The following VSNL1 variants were observed in gnomAD, a reference collection of about 807,000 sequenced individuals.
VSNL1 encodes visinin-like protein 1.
VSNL1 carries 6 observed loss-of-function variants against 20.4 expected under a neutral mutation model. The ratio of observed to expected loss-of-function variants is 0.29; its 90% CI spans 0.16 to 0.58. The LOEUF (loss-of-function observed/expected upper bound fraction) is 0.58, where lower values mean the gene tolerates loss of function less well. Ranked by LOEUF, VSNL1 falls within the 20% of genes least tolerant of loss-of-function variation. The pLI is 0.90. For missense variants in VSNL1, 100 were observed against 234.5 expected (o/e 0.43, Z 3.75); for synonymous variants, 93 against 86.4 (o/e 1.08, Z -0.42).
intron 2 of VSNL1, among the ~76,000 whole-genome samples, chr2:17,598,092 A>G (rs763179999): frequency 6.6e-6 from 1 of 152,128 alleles, no homozygotes; most frequent in Admixed American, 6.5e-5. Flanking sequence ...AATAAGAAAT[A>G]TTTTTCTAGT....
intron 1 of VSNL1, among the ~76,000 whole-genome samples, chr2:17,558,734 A>G (rs1439009445): frequency 6.6e-6 from 1 of 152,158 alleles, no homozygotes; most frequent in Non-Finnish European, 1.5e-5. Context: ...TAAAATTCAA[A>G]GGTCTTGAGG....
At chr2:17,611,181 A>G (rs1401623469) in intron 2 of VSNL1, among the ~76,000 whole-genome samples, 1 of 152,228 alleles carries the variant, frequency 6.6e-6, no homozygotes, top group Non-Finnish European at 1.5e-5. Flanking sequence ...TTTAATTCAT[A>G]CAACAGCCTT....
At chr2:17,552,180 A>G (rs972057157) in intron 1 of VSNL1, among the ~76,000 whole-genome samples, 6 of 145,878 alleles carry the variant, frequency 4.1e-5, no homozygotes, top group Non-Finnish European at 9.0e-5. Flanking sequence ...AGCCTGGGCG[A>G]CAGAGCGAGA....
chr2:17,642,337 C>A (rs911577062), intron 2 of VSNL1, among the ~76,000 whole-genome samples: 10 of 45,890 alleles, frequency 2.2e-4, no homozygotes, highest in Non-Finnish European at 5.4e-4. Context: ...GAGACAGAGT[C>A]TAGCTCTGTT....
intron 1 of VSNL1, among the ~76,000 whole-genome samples, chr2:17,556,519 A>G (rs1305878862): frequency 2.6e-5 from 4 of 152,166 alleles, no homozygotes; most frequent in African/African-American, 9.7e-5. Flanking sequence ...TGAAACAGAA[A>G]CTGTTAAGTC....
intron 1 of VSNL1, among the ~76,000 whole-genome samples, chr2:17,542,177 C>T (rs1663298787): frequency 6.6e-6 from 1 of 151,592 alleles, no homozygotes; most frequent in Non-Finnish European, 1.5e-5. Context: ...ATTTTACCCC[C>T]ACTATCATTT....
intron 2 of VSNL1, among the ~76,000 whole-genome samples, chr2:17,613,671 G>A (rs1444616192): frequency 3.3e-5 from 5 of 152,196 alleles, no homozygotes; most frequent in Admixed American, 6.5e-5. Flanking sequence ...CTGGAGTGGG[G>A]AGTGGAGCCA....
intron 1 of VSNL1, among the ~76,000 whole-genome samples, chr2:17,568,058 G>C (rs1663995746): frequency 6.6e-6 from 1 of 152,060 alleles, no homozygotes; most frequent in East Asian, 1.9e-4. Context: ...GATGACGAAT[G>C]TATTTAGAAT....
At chr2:17,571,971 A>G (rs1167736940) in intron 1 of VSNL1, among the ~76,000 whole-genome samples, 2 of 152,220 alleles carry the variant, frequency 1.3e-5, no homozygotes, top group Non-Finnish European at 2.9e-5. Context: ...AAGGAACTCA[A>G]TATGTTAGAG....
At chr2:17,647,121 TG>T (rs758227267) in intron 2 of VSNL1, among the ~76,000 whole-genome samples, 1 of 152,226 alleles carries the variant, frequency 6.6e-6, no homozygotes, top group Non-Finnish European at 1.5e-5. Context: ...AATTTACAAT[TG>T]ATTTTTCTCT....
intron 2 of VSNL1, among the ~76,000 whole-genome samples, chr2:17,610,720 C>T (rs1665064036): frequency 2.0e-5 from 3 of 152,138 alleles, no homozygotes; most frequent in South Asian, 2.1e-4. Context: ...GAACATGATG[C>T]GGATTGCGAT....
rs551711850 is a variant in VSNL1, at chr2:17,615,354, A to G, written c.162+23118A>G. 2.1e-3 allele frequency among the ~76,000 whole-genome samples: 319 copies of G among 152,326 alleles called. 1 individual carries two copies. Among genetic ancestry groups the G allele is most frequent in the Middle Eastern group, 3.4e-3 (1 of 294 alleles). On this transcript the variant is annotated intron_variant, in intron 2 of 3. Coordinates refer to ENST00000295156, the MANE Select transcript of VSNL1 (RefSeq NM_003385.5). The stretch of plus-strand genomic sequence containing the variant: ...CATTTTTTAAAAATATTTTGCTGAC[A>G]CATGGTAATTGTATTCATGAGGTGT...
chr2:17,655,455 T>TCACA lies in VSNL1; in HGVS notation c.*104_*107dup, dbSNP rs3064980. On this transcript the variant is annotated 3_prime_UTR_variant, in exon 4 of 4. Coordinates refer to ENST00000295156, the MANE Select transcript of VSNL1 (RefSeq NM_003385.5). This position sits in a 1 kb window ranked among gnomAD's most constrained non-coding sequence, Gnocchi z 5.2. ...AATGTTCCATTCAGTCTGCAGCTATTCACACACACACACACACACACACAC... is the reference window on the plus strand; with the variant it reads ...AATGTTCCATTCAGTCTGCAGCTATTCACACACACACACACACACACACACACAC... 0.18 allele frequency: 94,304 copies of TCACA among 530,968 alleles called. 5,810 individuals are homozygous for TCACA. The highest frequency in any genetic ancestry group is 0.23 in the Middle Eastern group (471 of 2,020). 32.9% of individuals were successfully genotyped at this position (530,968 alleles called of 1,614,324 possible). A position where few individuals can be genotyped will look rare whatever the true frequency, so the allele number is the denominator to read the frequency against.
Position 17,655,151 on chromosome 2 carries a change from C to A in VSNL1, c.379-46C>A. ...AGGGAGGCAAGAAGAGCTCTCTGTC[C>A]TCCTGGGTTTCTGGTAATATCACCT... On this transcript the variant is annotated intron_variant, in intron 3 of 3. Coordinates refer to ENST00000295156, the MANE Select transcript of VSNL1 (RefSeq NM_003385.5). The surrounding 1 kb of genome is among the most constrained non-coding windows in gnomAD (Gnocchi z 5.2). 1 of 1,597,038 alleles carries A rather than the reference C, an allele frequency of 6.3e-7. No individual in the cohort carries two copies. The highest frequency in any genetic ancestry group is 8.6e-7 in the Non-Finnish European group (1 of 1,168,036).
intron 1 of VSNL1, among the ~76,000 whole-genome samples, chr2:17,586,855 T>C (rs1664486642): frequency 6.6e-6 from 1 of 151,950 alleles, no homozygotes. Flanking sequence ...AAGGTTTAGA[T>C]AGATGGAGGA....
intron 2 of VSNL1, among the ~76,000 whole-genome samples, chr2:17,625,153 T>C (rs1572206787): frequency 6.6e-6 from 1 of 152,214 alleles, no homozygotes; most frequent in Non-Finnish European, 1.5e-5. Flanking sequence ...CTGCCATCCA[T>C]GTAAGACAGG....
chr2:17,566,650 T>C (rs1053020470), intron 1 of VSNL1, among the ~76,000 whole-genome samples: 8 of 152,208 alleles, frequency 5.3e-5, no homozygotes, highest in Non-Finnish European at 1.2e-4. Flanking sequence ...TATCTCTTTG[T>C]CTGTCACTTA....
chr2:17,631,222 G>A (rs771877167), intron 2 of VSNL1, among the ~76,000 whole-genome samples: 2 of 151,846 alleles, frequency 1.3e-5, no homozygotes, highest in Non-Finnish European at 2.9e-5. Flanking sequence ...AGAAAACATA[G>A]GGAAATATTC....
rs1666245796 is a variant in VSNL1 at position 17,656,957 on chromosome 2, TTCGTTTTTTAC to T, written c.*1564_*1574del. Reference sequence around the variant, plus strand: ...TTTATCAAATTCGTTTTTTACCGAATTCGTTTTTTACCATTCTTTATTTGTCTTAGGATCAT... The same window carrying T: ...TTTATCAAATTCGTTTTTTACCGAATCATTCTTTATTTGTCTTAGGATCAT... On this transcript the variant is annotated 3_prime_UTR_variant, in exon 4 of 4. Transcript: ENST00000295156. 3 of 152,208 alleles carry T rather than the reference TTCGTTTTTTAC, an allele frequency of 2.0e-5. No individual in the cohort carries two copies. Among genetic ancestry groups the T allele is most frequent in the Non-Finnish European group, 4.4e-5 (3 of 68,032 alleles). 9.4% of individuals were successfully genotyped at this position (152,208 alleles called of 1,614,324 possible).
Sources: allele counts gnomAD v4.1 joint callset (sites outside exome capture counted in the v4.1 genomes callset), GRCh38; gene constraint gnomAD v4.1.1; non-coding constraint Gnocchi (gnomAD v3.1); transcripts MANE v1.5; gene names NCBI Gene and HGNC (gene_info 2026-07-23, HGNC 2026-07-21).